The following SIL1 variants were observed in gnomAD, a reference collection of about 807,000 sequenced individuals.
SIL1 encodes the protein SIL1 nucleotide exchange factor.
SIL1 carries 40 observed loss-of-function variants against 49.1 expected under a neutral mutation model. The ratio of observed to expected loss-of-function variants is 0.81; its 90% CI spans 0.63 to 1.06. The LOEUF is 1.06. Among genes scored for constraint, SIL1 ranks in the 50% least tolerant of loss-of-function variants. The pLI is 0.00. For missense variants in SIL1, 500 were observed against 572.6 expected (o/e 0.87, Z 1.29); for synonymous variants, 253 against 250.8 (o/e 1.01, Z -0.08).
chr5:139,156,201 G>C (rs1751404446), intron 1 of SIL1, among the ~76,000 whole-genome samples: 1 of 152,150 alleles, frequency 6.6e-6, no homozygotes, highest in Non-Finnish European at 1.5e-5. Context: ...ATTTCCAAGT[G>C]CTTAGCAGGC....
At chr5:139,010,222 A>C (rs1768221658) in intron 7 of SIL1, among the ~76,000 whole-genome samples, 2 of 148,610 alleles carry the variant, frequency 1.3e-5, no homozygotes, top group African/African-American at 5.0e-5. Flanking sequence ...TTCATCTTCC[A>C]TTACTGATAC....
At chr5:138,980,570 T>C (rs1767493102) in intron 7 of SIL1, among the ~76,000 whole-genome samples, 2 of 152,140 alleles carry the variant, frequency 1.3e-5, no homozygotes, top group African/African-American at 2.4e-5. Flanking sequence ...CTGTGTCACT[T>C]TTCATGAGGG....
chr5:139,191,580 A>C (rs2151823655), intron 1 of SIL1, among the ~76,000 whole-genome samples: 1 of 152,032 alleles, frequency 6.6e-6, no homozygotes, highest in East Asian at 1.9e-4. Flanking sequence ...GGAATTTAAG[A>C]TCAGCCTGGG....
At chr5:139,052,169 A>G (rs1270846948) in intron 3 of SIL1, among the ~76,000 whole-genome samples, 2 of 152,352 alleles carry the variant, frequency 1.3e-5, no homozygotes, top group African/African-American at 4.8e-5. Flanking sequence ...ATAGGCAAGT[A>G]TTCACCAGTT....
chr5:139,125,117 A>G (rs990120072), intron 2 of SIL1, among the ~76,000 whole-genome samples: 2 of 152,246 alleles, frequency 1.3e-5, no homozygotes, highest in African/African-American at 4.8e-5. Flanking sequence ...AAGAACAAGC[A>G]CAACTAGCCT....
At chr5:139,190,421 T>C (rs1581161571) in intron 1 of SIL1, among the ~76,000 whole-genome samples, 2 of 152,188 alleles carry the variant, frequency 1.3e-5, no homozygotes, top group African/African-American at 4.8e-5. Flanking sequence ...CATGAGGGTA[T>C]AAGATCATGT....
At chr5:139,130,114 AC>A (rs1750831755) in intron 1 of SIL1, among the ~76,000 whole-genome samples, 3 of 152,072 alleles carry the variant, frequency 2.0e-5, no homozygotes, top group Admixed American at 1.3e-4. Context: ...CTCTAAAAAA[AC>A]AAATTAAAAA....
intron 3 of SIL1, among the ~76,000 whole-genome samples, chr5:139,092,644 C>T (rs537161640): frequency 1.3e-5 from 2 of 152,266 alleles, no homozygotes; most frequent in South Asian, 2.1e-4. Context: ...AAAGCAGAAC[C>T]GCTACATCTT....
intron 3 of SIL1, among the ~76,000 whole-genome samples, chr5:139,077,303 T>C (rs13362391): frequency 6.6e-6 from 1 of 152,124 alleles, no homozygotes; most frequent in Non-Finnish European, 1.5e-5. Flanking sequence ...AAAATACAAT[T>C]CCTTTTTTGG....
At chr5:139,197,268 C>CAAAAAAA (rs11363617) in intron 1 of SIL1, among the ~76,000 whole-genome samples, 1 of 58,830 alleles carries the variant, frequency 1.7e-5, no homozygotes, top group Non-Finnish European at 3.1e-5. Context: ...AACTCCGCCT[C>CAAAAAAA]AAAAAAAAAA....
chr5:139,153,837 AT>A (rs1488303022), intron 1 of SIL1, among the ~76,000 whole-genome samples: 2 of 152,112 alleles, frequency 1.3e-5, no homozygotes, highest in Non-Finnish European at 2.9e-5. Context: ...TTGTTAAACC[AT>A]TTTTCCCAGT....
chr5:139,129,298 C>A (rs1236883696), intron 1 of SIL1, among the ~76,000 whole-genome samples: 2 of 152,142 alleles, frequency 1.3e-5, no homozygotes, highest in Non-Finnish European at 2.9e-5. Flanking sequence ...TCATATATGG[C>A]CAATTTTTGA....
chr5:138,962,780 C>T (rs1321684918), intron 7 of SIL1, among the ~76,000 whole-genome samples: 4 of 152,154 alleles, frequency 2.6e-5, no homozygotes, highest in Non-Finnish European at 4.4e-5. Context: ...AAAGCCAGTA[C>T]AGAAGGAATT....
At chr5:139,142,777 A>AT (rs893852938) in intron 1 of SIL1, among the ~76,000 whole-genome samples, 25 of 150,526 alleles carry the variant, frequency 1.7e-4, no homozygotes, top group East Asian at 9.7e-4. Flanking sequence ...TTATTTATTT[A>AT]TTTTTTTTTG....
intron 3 of SIL1, among the ~76,000 whole-genome samples, chr5:139,105,380 A>C (rs1172082634): frequency 6.6e-6 from 1 of 152,232 alleles, no homozygotes; most frequent in African/African-American, 2.4e-5. Context: ...AAACTGTATC[A>C]TCGCAGTGTT....
chr5:139,069,485 C>T lies in SIL1; in HGVS notation c.245-18439G>A, dbSNP rs566899515. On this transcript the variant is annotated intron_variant, in intron 3 of 9. Transcript: ENST00000394817. ...AACAATGAAGAAAGACAAAAGAAGACCCAACATAAATATAAGAAACCCTAA... is the reference window on the plus strand; with the variant it reads ...AACAATGAAGAAAGACAAAAGAAGATCCAACATAAATATAAGAAACCCTAA... Among the ~76,000 whole-genome samples the T allele has an allele frequency of 2.0e-5, 3 of 152,020 alleles. No homozygotes were observed. In the East Asian group the frequency reaches 5.8e-4, roughly 29 times the overall value.
chr5:139,169,476 ATTTTTT>A (rs70982754), intron 1 of SIL1, among the ~76,000 whole-genome samples: 2 of 139,634 alleles, frequency 1.4e-5, no homozygotes, highest in Admixed American at 7.1e-5. Flanking sequence ...ATATAGATAG[ATTTTTT>A]TTTTTTTTTT....
chr5:139,196,766 G>T (rs894383944), intron 1 of SIL1, among the ~76,000 whole-genome samples: 1 of 152,140 alleles, frequency 6.6e-6, no homozygotes, highest in Non-Finnish European at 1.5e-5. Flanking sequence ...TTAAAAACCC[G>T]AGAGCCATGT....
chr5:139,193,825 G>A (rs953460683), intron 1 of SIL1, among the ~76,000 whole-genome samples: 1 of 152,134 alleles, frequency 6.6e-6, no homozygotes, highest in African/African-American at 2.4e-5. Flanking sequence ...AAACTGGCAT[G>A]GTGGTCCACT....
Sources: allele counts gnomAD v4.1 joint callset (sites outside exome capture counted in the v4.1 genomes callset), GRCh38; gene constraint gnomAD v4.1.1; transcripts MANE v1.5; gene names NCBI Gene and HGNC (gene_info 2026-07-23, HGNC 2026-07-21).